NRXN1: variants seen among roughly 807,000 people sequenced by gnomAD.
NRXN1 encodes the protein neurexin 1, also known as neurexin-1.
Under a neutral mutation model 150.9 loss-of-function variants are expected in NRXN1, and 39 were observed. The ratio of observed to expected loss-of-function variants is 0.26; its 90% confidence interval spans 0.20 to 0.34. The LOEUF (loss-of-function observed/expected upper bound fraction) is 0.34, where lower values mean the gene tolerates loss of function less well. Ranked by LOEUF, NRXN1 falls within the 10% of genes least tolerant of loss-of-function variation. The probability of loss-of-function intolerance (pLI) is 1.00; values close to 1 mark genes in which losing one functional copy is unlikely to be tolerated. For synonymous variants in NRXN1, 924 were observed against 757.0 expected (o/e 1.22, Z -3.62); for missense variants, 1,815 against 1,949.9 (o/e 0.93, Z 1.30).
intron 16 of NRXN1, 89 bp downstream of exon 16, chr2:50,472,209 T>A: frequency 8.7e-7 from 1 of 1,150,672 alleles, no homozygotes; most frequent in Middle Eastern, 2.1e-4. Context: ...TTTGACCAGT[T>A]ATCAGAATTT....
rs1463182042 is a variant in NRXN1 at position 50,366,277 on chromosome 2, C to T, written c.3364+99165G>A. ...AATAATTTGTAATAAGACTCAGATC[C>T]AGGACTAAATAATTCAATAGTCTCC... On this transcript the variant is annotated intron_variant, in intron 17 of 22. Coordinates refer to ENST00000401669, the MANE Select transcript of NRXN1 (RefSeq NM_001330078.2). Among the ~76,000 whole-genome samples the T allele has an allele frequency of 2.0e-5, 3 of 151,036 alleles. No homozygotes were observed. In the Admixed American group the frequency reaches 2.0e-4, roughly 10 times the overall value.
In NRXN1 at chr2:50,506,506, T is replaced by C. The variant is rs765638094; in HGVS notation, c.2486A>G (p.Gln829Arg). The change falls in exon 13 of 23, where the codon CAG becomes CGG. Residue 829 changes from glutamine to arginine, a missense_variant. Gln to Arg is a conservative substitution (Grantham distance 43). Transcript: ENST00000401669. ...KSLKLTVDDQ[Q>R]AMTGQMAGDH... is the part of the protein sequence containing the mutation. ...ACAGAGGTGTTTACCTGTCATGGCC[T>C]GTTGGTCATCCACTGTTAACTTTAA... 6.2e-7 allele frequency: 1 copy of C among 1,612,912 alleles called. No individual in the cohort carries two copies. The highest frequency in any genetic ancestry group is 1.1e-5 in the South Asian group (1 of 90,984).
At chr2:50,375,919 T>C (rs1243636351) in intron 17 of NRXN1, among the ~76,000 whole-genome samples, 1 of 151,872 alleles carries the variant, frequency 6.6e-6, no homozygotes, top group Non-Finnish European at 1.5e-5. Flanking sequence ...CCTTCACAGA[T>C]AATAATAAAG....
At chr2:50,093,948 T>C (rs1465125029) in intron 18 of NRXN1, among the ~76,000 whole-genome samples, 1 of 152,190 alleles carries the variant, frequency 6.6e-6, no homozygotes, top group Non-Finnish European at 1.5e-5. Flanking sequence ...TGCCATCCTA[T>C]AGCTGTAGCT....
intron 5 of NRXN1, among the ~76,000 whole-genome samples, chr2:50,846,815 G>A (rs75982132): frequency 5.9e-5 from 9 of 152,038 alleles, no homozygotes; most frequent in African/African-American, 1.2e-4. Flanking sequence ...AACAAAAGAC[G>A]GATTAAAAAG....
chr2:49,925,135 C>T (rs1668868737), intron 22 of NRXN1, among the ~76,000 whole-genome samples: 2 of 152,012 alleles, frequency 1.3e-5, no homozygotes, highest in South Asian at 4.2e-4. Context: ...CAAAAATTAG[C>T]TGGGCATGGT....
At chr2:50,019,975 AGAG>A (rs1558706893) in intron 21 of NRXN1, among the ~76,000 whole-genome samples, 1,662 of 49,336 alleles carry the variant, frequency 0.034, 9 homozygotes, top group Middle Eastern at 0.055. Context: ...AAAAAAAAAG[AGAG>A]AGAGAGAGAC....
At chr2:50,200,976 T>A (rs1392537532) in intron 18 of NRXN1, among the ~76,000 whole-genome samples, 1 of 152,184 alleles carries the variant, frequency 6.6e-6, no homozygotes, top group African/African-American at 2.4e-5. Context: ...CTTCCCTTTT[T>A]CTCCATGGGT....
intron 20 of NRXN1, 36 bp downstream of exon 20, chr2:50,054,919 A>AT: frequency 2.9e-6 from 4 of 1,372,036 alleles, no homozygotes; most frequent in South Asian, 2.8e-5. Context: ...TGTTCAAATT[A>AT]TTTTTTTATT....
At chr2:51,022,690 C>G (rs565251759) in intron 2 of NRXN1, among the ~76,000 whole-genome samples, 114 of 152,264 alleles carry the variant, frequency 7.5e-4, no homozygotes, top group African/African-American at 2.6e-3. Flanking sequence ...GGCAAAATCT[C>G]TGAATCATTT....
In NRXN1 at chr2:50,937,182, C is replaced by T. The variant is rs1574983466; in HGVS notation, c.773-11227G>A. ...TCAATAATGCCAGATTATAAAGCAT[C>T]TTATTTATGGCTAATACGTATTTAA... On this transcript the variant is annotated intron_variant, in intron 2 of 22. Transcript: ENST00000401669. Among the ~76,000 whole-genome samples the T allele has an allele frequency of 4.6e-5, 7 of 152,202 alleles. 1 individual carries two copies. The highest frequency in any genetic ancestry group is 4.6e-4 in the Admixed American group (7 of 15,266).
intron 17 of NRXN1, among the ~76,000 whole-genome samples, chr2:50,443,601 G>A (rs1322274665): frequency 6.6e-6 from 1 of 152,144 alleles, no homozygotes; most frequent in African/African-American, 2.4e-5. Context: ...TATGTGATCT[G>A]GGCCTAAGCA....
intron 5 of NRXN1, among the ~76,000 whole-genome samples, chr2:50,624,605 G>A (rs1680667941): frequency 6.6e-6 from 1 of 151,738 alleles, no homozygotes; most frequent in Admixed American, 6.6e-5. Context: ...ACCTCCTACA[G>A]AGCATGTGCA....
Position 49,938,004 on chromosome 2 carries a change from A to C in NRXN1, c.4216+5700T>G, listed in dbSNP as rs1318001444. Among the ~76,000 whole-genome samples, 3 of 152,324 alleles carry C rather than the reference A, an allele frequency of 2.0e-5. No individual in the cohort carries two copies. In the East Asian group the frequency reaches 5.8e-4, roughly 29 times the overall value. On this transcript the variant is annotated intron_variant, in intron 22 of 22. Transcript: ENST00000401669. ...AGAAATCCCTTGACCTTTTCTCAAA[A>C]TAGCACACTGAAAAACCACTGAAAA...
At chr2:50,268,279 G>A (rs914385986) in intron 17 of NRXN1, among the ~76,000 whole-genome samples, 4 of 152,134 alleles carry the variant, frequency 2.6e-5, no homozygotes, top group African/African-American at 9.7e-5. Context: ...AGAAAGAGAA[G>A]AAGCCAATTA....
At position 50,455,424 on chromosome 2, in the gene NRXN1, A is replaced by G. The variant is rs141705422; in HGVS notation, c.3364+10018T>C. ...CCTCTCATACTGCACTCTATAGATC[A>G]ATTTTAGTTTAATGAGATTTAATTT... is the stretch of plus-strand genomic sequence containing the variant. On this transcript the variant is annotated intron_variant, in intron 17 of 22. Coordinates refer to ENST00000401669, the MANE Select transcript of NRXN1 (RefSeq NM_001330078.2). Among the ~76,000 whole-genome samples, 514 of 152,256 alleles carry G rather than the reference A, an allele frequency of 3.4e-3. 3 individuals are homozygous for G. The highest frequency in any genetic ancestry group is 0.012 in the African/African-American group (482 of 41,554).
chr2:50,308,342 T>C (rs1043343003), intron 17 of NRXN1, among the ~76,000 whole-genome samples: 1 of 151,964 alleles, frequency 6.6e-6, no homozygotes, highest in Admixed American at 6.6e-5. Flanking sequence ...ATTTTTTACG[T>C]TTTTAGAGTC....
intron 17 of NRXN1, among the ~76,000 whole-genome samples, chr2:50,409,348 G>GAAAAC (rs964034317): frequency 6.6e-6 from 1 of 152,068 alleles, no homozygotes; most frequent in Non-Finnish European, 1.5e-5. Flanking sequence ...TAAGTATAAA[G>GAAAAC]AAAACAAAAC....
At chr2:50,151,309 C>A (rs1448171953) in intron 18 of NRXN1, among the ~76,000 whole-genome samples, 1 of 151,690 alleles carries the variant, frequency 6.6e-6, no homozygotes, top group Non-Finnish European at 1.5e-5. Flanking sequence ...CAATTCTAAT[C>A]ATATTCATTA....
Sources: gnomAD v4.1 joint callset for allele counts (sites outside exome capture counted in the v4.1 genomes callset) on GRCh38, gnomAD v4.1.1 for gene constraint, MANE v1.5 for transcripts, NCBI Gene and HGNC (gene_info 2026-07-23, HGNC 2026-07-21) for gene names.